MAST4: variants seen among roughly 807,000 people sequenced by gnomAD.
MAST4 encodes the protein microtubule associated serine/threonine kinase family member 4.
MAST4 carries 89 observed loss-of-function variants against 162.7 expected under a neutral mutation model. That is an observed-to-expected ratio of 0.55 (90% CI 0.46 to 0.65). The LOEUF (loss-of-function observed/expected upper bound fraction) is 0.65, where lower values mean the gene tolerates loss of function less well. MAST4 is among the 30% of genes least tolerant of loss of function. The pLI is 0.00. For missense variants in MAST4, 3,153 were observed against 3,374.0 expected (o/e 0.93, Z 1.62); for synonymous variants, 1,479 against 1,361.1 (o/e 1.09, Z -1.91).
intron 4 of MAST4, among the ~76,000 whole-genome samples, chr5:66,956,637 A>C (rs1393777066): frequency 6.6e-6 from 1 of 152,068 alleles, no homozygotes; most frequent in Admixed American, 6.6e-5. Context: ...AGGTGACGTA[A>C]TTTTCTCTTC....
At chr5:66,922,249 T>G (rs981564010) in intron 4 of MAST4, among the ~76,000 whole-genome samples, 7 of 152,222 alleles carry the variant, frequency 4.6e-5, no homozygotes, top group African/African-American at 1.7e-4. Context: ...TTCCCTGCTA[T>G]CATGTCTTCT....
chr5:66,840,833 A>G (rs1758372236), intron 3 of MAST4, among the ~76,000 whole-genome samples: 3 of 152,244 alleles, frequency 2.0e-5, no homozygotes, highest in Admixed American at 6.5e-5. Context: ...ACAGACCCAC[A>G]TTCTCCCTCT....
intron 4 of MAST4, among the ~76,000 whole-genome samples, chr5:66,942,090 A>G (rs1009406161): frequency 6.6e-6 from 1 of 152,160 alleles, no homozygotes; most frequent in African/African-American, 2.4e-5. Context: ...AATTACCAAA[A>G]TGTGACATAG....
At chr5:67,113,091 A>C (rs1223486128) in intron 11 of MAST4, among the ~76,000 whole-genome samples, 1 of 152,154 alleles carries the variant, frequency 6.6e-6, no homozygotes, top group Non-Finnish European at 1.5e-5. Flanking sequence ...AGGTGGGTGG[A>C]TCACGAGGTC....
At chr5:66,710,042 G>T (rs1337849250) in intron 1 of MAST4, among the ~76,000 whole-genome samples, 1 of 152,218 alleles carries the variant, frequency 6.6e-6, no homozygotes, top group African/African-American at 2.4e-5. Context: ...GGTCTCCACT[G>T]CCTCTCTCCT....
At chr5:67,156,753 G>A (rs1772587845) in intron 26 of MAST4, among the ~76,000 whole-genome samples, 1 of 152,212 alleles carries the variant, frequency 6.6e-6, no homozygotes, top group African/African-American at 2.4e-5. Flanking sequence ...TAGTGAAGGG[G>A]TTGAGGCCGC....
chr5:66,860,703 T>C (rs111562365), intron 3 of MAST4, among the ~76,000 whole-genome samples: 3 of 150,694 alleles, frequency 2.0e-5, no homozygotes, highest in African/African-American at 7.3e-5. Flanking sequence ...TCTGCCCTTA[T>C]TCTATTCCCC....
intron 4 of MAST4, among the ~76,000 whole-genome samples, chr5:66,993,819 T>G (rs891439282): frequency 1.3e-4 from 20 of 151,926 alleles, no homozygotes; most frequent in Admixed American, 1.2e-3. Context: ...GATATTTTTG[T>G]GGAGTACCTC....
intron 3 of MAST4, among the ~76,000 whole-genome samples, chr5:66,850,087 A>G (rs771599040): frequency 6.6e-6 from 1 of 152,120 alleles, no homozygotes; most frequent in Non-Finnish European, 1.5e-5. Flanking sequence ...AATTTGCCTG[A>G]TTTGCCTTTT....
chr5:66,791,995 G>T (rs1428607969), intron 3 of MAST4, among the ~76,000 whole-genome samples: 1 of 152,048 alleles, frequency 6.6e-6, no homozygotes, highest in Non-Finnish European at 1.5e-5. Flanking sequence ...TCCTGCTTTT[G>T]GTACCACTTG....
At chr5:66,673,530 G>GTTTTTTTT (rs11376867) in intron 1 of MAST4, among the ~76,000 whole-genome samples, 9 of 106,534 alleles carry the variant, frequency 8.4e-5, no homozygotes, top group Admixed American at 2.2e-4. Context: ...TTTGTTTTTT[G>GTTTTTTTT]TTTTTTTTTT....
intron 3 of MAST4, among the ~76,000 whole-genome samples, chr5:66,825,547 CG>C (rs1471965105): frequency 2.7e-5 from 4 of 146,868 alleles, no homozygotes; most frequent in African/African-American, 9.7e-5. Context: ...TCTCAATATA[CG>C]CTTTTTTGAA....
Position 66,718,265 on chromosome 5 carries a change from G to GT in MAST4, c.364-41437dup, listed in dbSNP as rs561457032. 3.3e-4 allele frequency among the ~76,000 whole-genome samples: 47 copies of GT among 143,246 alleles called. 1 individual carries two copies. In the South Asian group the frequency reaches 7.0e-3, roughly 21 times the overall value. 94.0% of individuals were successfully genotyped at this position (143,246 alleles called of 152,430 possible). ...GAAGGTTTTTTTTGTTTGTTTTTTT[G>GT]TTTTTTTGTTTTCAAAGCACCTTTT... On this transcript the variant is annotated intron_variant, in intron 1 of 28. Coordinates refer to ENST00000403625, the MANE Select transcript of MAST4 (RefSeq NM_001164664.2).
intron 4 of MAST4, among the ~76,000 whole-genome samples, chr5:66,973,879 C>T (rs555943038): frequency 6.6e-6 from 1 of 152,312 alleles, no homozygotes; most frequent in East Asian, 1.9e-4. Context: ...CAGCATTCCT[C>T]TTTTTGTTGG....
chr5:66,930,961 C>G, intron 4 of MAST4: 1 of 251,402 alleles, frequency 4.0e-6, no homozygotes, highest in Non-Finnish European at 8.2e-6. Context: ...TGTAAAGCTT[C>G]TTTATCTGTC....
chr5:66,811,498 C>T lies in MAST4; in HGVS notation c.642+22704C>T, dbSNP rs145791231. Among the ~76,000 whole-genome samples, 1,162 of 152,286 alleles carry T rather than the reference C, an allele frequency of 7.6e-3. 14 individuals are homozygous for T. Among genetic ancestry groups the T allele is most frequent in the African/African-American group, 0.026 (1,097 of 41,556 alleles). On this transcript the variant is annotated intron_variant, in intron 3 of 28. Coordinates refer to ENST00000403625, the MANE Select transcript of MAST4 (RefSeq NM_001164664.2). ...GTTCTTGGTCTCTCTACCCAGCCCC[C>T]TTCTTTGCCACTTTTCTTTGTTTTT...
intron 1 of MAST4, among the ~76,000 whole-genome samples, chr5:66,636,101 A>G (rs4699883): frequency 0.71 from 107,769 of 151,524 alleles, 40,168 homozygotes; most frequent in African/African-American, 0.92. Context: ...GGGACTAAAG[A>G]CGTATGCCAC....
intron 1 of MAST4, among the ~76,000 whole-genome samples, chr5:66,615,144 G>A (rs62362272): frequency 0.033 from 5,066 of 152,086 alleles, 95 homozygotes; most frequent in Middle Eastern, 0.092. Flanking sequence ...GGTGTGGAGG[G>A]TGGTTTGTTT....
intron 1 of MAST4, among the ~76,000 whole-genome samples, chr5:66,624,218 T>A (rs566423431): frequency 1.4e-5 from 2 of 140,346 alleles, no homozygotes; most frequent in East Asian, 4.6e-4. Flanking sequence ...AGTGGCATGA[T>A]CTCGGCTCAC....
Sources: allele counts gnomAD v4.1 joint callset (sites outside exome capture counted in the v4.1 genomes callset), GRCh38; gene constraint gnomAD v4.1.1; transcripts MANE v1.5; gene names NCBI Gene and HGNC (gene_info 2026-07-23, HGNC 2026-07-21).